Variants in RBMS1 observed in about 807,000 individuals in gnomAD.
RBMS1 encodes RNA-binding motif, single-stranded-interacting protein 1.
RBMS1 carries 17 observed loss-of-function variants against 62.3 expected under a neutral mutation model. The ratio of observed to expected loss-of-function variants is 0.27; its 90% CI spans 0.19 to 0.41. The LOEUF (loss-of-function observed/expected upper bound fraction) is 0.41. RBMS1 is among the 10% of genes least tolerant of loss of function. The pLI is 1.00. For synonymous variants in RBMS1, 172 were observed against 170.0 expected, an observed-to-expected ratio of 1.01 and a Z score of -0.09; for missense variants, 334 against 504.5, an observed-to-expected ratio of 0.66 and a Z score of 3.24.
At chr2:160,485,711 G>A (rs2105363802) in intron 1 of RBMS1, among the ~76,000 whole-genome samples, 1 of 151,474 alleles carries the variant, frequency 6.6e-6, no homozygotes, top group Non-Finnish European at 1.5e-5. Flanking sequence ...TCTCTGATAG[G>A]TAATTCTTTC....
intron 1 of RBMS1, among the ~76,000 whole-genome samples, chr2:160,428,673 G>A (rs1478027884): frequency 6.6e-6 from 1 of 152,144 alleles, no homozygotes; most frequent in Non-Finnish European, 1.5e-5. Context: ...TTTAAAGAAT[G>A]TCTTTTAGCA....
chr2:160,373,365 T>C (rs1257218386), intron 1 of RBMS1, among the ~76,000 whole-genome samples: 1 of 152,242 alleles, frequency 6.6e-6, no homozygotes, highest in African/African-American at 2.4e-5. Flanking sequence ...AAGTTAAGAC[T>C]TGCATTGTTG....
chr2:160,472,311 T>C (rs2105346182), intron 1 of RBMS1, among the ~76,000 whole-genome samples: 1 of 152,304 alleles, frequency 6.6e-6, no homozygotes, highest in African/African-American at 2.4e-5. Context: ...TAAAAATATA[T>C]ATATTTGTAT....
At chr2:160,405,529 T>C (rs922059130) in intron 1 of RBMS1, among the ~76,000 whole-genome samples, 1 of 152,210 alleles carries the variant, frequency 6.6e-6, no homozygotes, top group Non-Finnish European at 1.5e-5. Context: ...TCCCAGTGAA[T>C]GGCTAAATAC....
intron 2 of RBMS1, among the ~76,000 whole-genome samples, chr2:160,323,928 T>C (rs1016992162): frequency 4.6e-5 from 7 of 152,190 alleles, no homozygotes; most frequent in African/African-American, 1.7e-4. Context: ...ACACCACAGT[T>C]TTACTCATTT....
intron 1 of RBMS1, among the ~76,000 whole-genome samples, chr2:160,406,207 AAAGTT>A (rs1695696108): frequency 1.3e-5 from 2 of 152,218 alleles, no homozygotes; most frequent in Non-Finnish European, 2.9e-5. Context: ...TCTTTAAAGA[AAAGTT>A]AACATAGAAA....
intron 1 of RBMS1, among the ~76,000 whole-genome samples, chr2:160,484,463 C>G (rs1397077630): frequency 6.6e-6 from 1 of 150,822 alleles, no homozygotes; most frequent in East Asian, 2.0e-4. Context: ...CCACTGCACT[C>G]CAGCCTGGGC....
At chr2:160,369,534 G>C (rs1157112062) in intron 1 of RBMS1, among the ~76,000 whole-genome samples, 2 of 152,190 alleles carry the variant, frequency 1.3e-5, no homozygotes, top group African/African-American at 4.8e-5. Context: ...AGACAGGACT[G>C]AATTTTCTCT....
At chr2:160,410,038 C>G (rs1391997097) in intron 1 of RBMS1, among the ~76,000 whole-genome samples, 1 of 151,668 alleles carries the variant, frequency 6.6e-6, no homozygotes, top group Non-Finnish European at 1.5e-5. Context: ...CAGGCTAACA[C>G]GGTGAAACCC....
At chr2:160,445,955 T>G (rs2105309919) in intron 1 of RBMS1, among the ~76,000 whole-genome samples, 1 of 152,174 alleles carries the variant, frequency 6.6e-6, no homozygotes. Context: ...GCAAGGCCCA[T>G]CTGGCTATGT....
chr2:160,393,037 T>C (rs930675543), intron 1 of RBMS1, among the ~76,000 whole-genome samples: 3 of 152,226 alleles, frequency 2.0e-5, no homozygotes, highest in Non-Finnish European at 4.4e-5. Flanking sequence ...TGAATTGATG[T>C]CAAGAACATG....
Position 160,276,156 on chromosome 2 carries a change from T to C in RBMS1, c.1144-442A>G, listed in dbSNP as rs1378769133. 4.1e-4 allele frequency among the ~76,000 whole-genome samples: 63 copies of C among 152,190 alleles called. 2 individuals are homozygous for C. The highest frequency in any genetic ancestry group is 4.1e-3 in the Admixed American group (62 of 15,282). On this transcript the variant is annotated intron_variant, in intron 12 of 13. Transcript: ENST00000348849. ...CATGAAGCAGCACAGTTAAGTGGGA[T>C]CAAGATTTTGTCTCATCTCAATTCA... is the stretch of plus-strand genomic sequence containing the variant.
At chr2:160,395,684 C>G (rs141684216) in intron 1 of RBMS1, among the ~76,000 whole-genome samples, 19 of 151,140 alleles carry the variant, frequency 1.3e-4, no homozygotes, top group African/African-American at 3.9e-4. Context: ...ACATAATAGT[C>G]GAGGGCATCT....
chr2:160,283,958 A>T (rs576467011), intron 9 of RBMS1: 1 of 152,340 alleles, frequency 6.6e-6, no homozygotes, highest in South Asian at 2.1e-4. Flanking sequence ...CATCTAATTC[A>T]ATTGTTTTAA....
intron 2 of RBMS1, among the ~76,000 whole-genome samples, chr2:160,356,292 G>A (rs1035556794): frequency 8.5e-5 from 13 of 152,058 alleles, no homozygotes; most frequent in African/African-American, 2.9e-4. Flanking sequence ...CTATCCTCCT[G>A]CCTTTATTTT....
At chr2:160,370,159 CT>C (rs1693647252) in intron 1 of RBMS1, among the ~76,000 whole-genome samples, 1 of 152,206 alleles carries the variant, frequency 6.6e-6, no homozygotes, top group South Asian at 2.1e-4. Context: ...CTACTAGCCT[CT>C]GGTGAATCCT....
rs538243365 is a variant in RBMS1 at position 160,332,514 on chromosome 2, G to T, written c.252-14287C>A. Among the ~76,000 whole-genome samples the T allele has an allele frequency of 9.7e-4, 148 of 152,302 alleles. 1 individual carries two copies. The highest frequency in any genetic ancestry group is 1.8e-3 in the Non-Finnish European group (122 of 68,040). ...TCTGGGATTCAGCTGAAGTGAGCATGTTATCAGCAATGATGCCTCCTCACA... is the reference window on the plus strand; with the variant it reads ...TCTGGGATTCAGCTGAAGTGAGCATTTTATCAGCAATGATGCCTCCTCACA... On this transcript the variant is annotated intron_variant, in intron 2 of 13. Coordinates refer to ENST00000348849, the MANE Select transcript of RBMS1 (RefSeq NM_016836.4).
At chr2:160,461,778 AATAC>A (rs962597711) in intron 1 of RBMS1, among the ~76,000 whole-genome samples, 3 of 152,218 alleles carry the variant, frequency 2.0e-5, no homozygotes, top group Non-Finnish European at 4.4e-5. Context: ...ATTCTTCACA[AATAC>A]ACATTTCCAG....
chr2:160,391,236 G>GACACAGACAGGCAGGC (rs997029665), intron 1 of RBMS1, among the ~76,000 whole-genome samples: 3 of 149,322 alleles, frequency 2.0e-5, no homozygotes, highest in Admixed American at 6.7e-5. Flanking sequence ...GAGAAGTTTG[G>GACACAGACAGGCAGGC]ACACAGACAG....
Sources: gnomAD v4.1 joint callset for allele counts (sites outside exome capture counted in the v4.1 genomes callset) on GRCh38, gnomAD v4.1.1 for gene constraint, MANE v1.5 for transcripts, NCBI Gene and HGNC (gene_info 2026-07-23, HGNC 2026-07-21) for gene names.